ANAPC7: variants seen among roughly 807,000 people sequenced by gnomAD.
The protein encoded by ANAPC7 is anaphase-promoting complex subunit 7.
ANAPC7 carries 25 observed loss-of-function variants against 63.3 expected under a neutral mutation model. The ratio of observed to expected loss-of-function variants is 0.39; its 90% CI spans 0.29 to 0.55. The LOEUF (loss-of-function observed/expected upper bound fraction) is 0.55, where lower values mean the gene tolerates loss of function less well. ANAPC7 is among the 20% of genes least tolerant of loss of function. The pLI, the probability that ANAPC7 is intolerant of heterozygous loss-of-function variation, is 0.57. For missense variants in ANAPC7, 516 were observed against 691.7 expected, an observed-to-expected ratio of 0.75 and a Z score of 2.85; for synonymous variants, 241 against 251.7, an observed-to-expected ratio of 0.96 and a Z score of 0.40.
intron 3 of ANAPC7, among the ~76,000 whole-genome samples, chr12:110,392,092 C>CAAAAA (rs1283316509): frequency 2.7e-4 from 4 of 14,784 alleles, no homozygotes; most frequent in African/African-American, 6.4e-4. Context: ...CTCCACCTCA[C>CAAAAA]AAAAAAAAAA....
chr12:110,394,755 A>G (rs2137978548), intron 3 of ANAPC7, among the ~76,000 whole-genome samples: 1 of 144,870 alleles, frequency 6.9e-6, no homozygotes, highest in African/African-American at 2.6e-5. Context: ...CTGAGGTGGG[A>G]GGATTGCTTA....
At chr12:110,394,991 A>T in intron 3 of ANAPC7, 110 bp downstream of exon 3, 1 of 1,317,542 alleles carries the variant, frequency 7.6e-7, no homozygotes, top group Non-Finnish European at 1.0e-6. Flanking sequence ...AATGAGAATT[A>T]GAATCATGGG....
intron 8 of ANAPC7, chr12:110,378,032 C>A (rs1403330980): frequency 4.5e-6 from 1 of 222,484 alleles, no homozygotes. Context: ...CAGTTATTCT[C>A]CAGCTGCATT....
intron 3 of ANAPC7, 63 bp from the exon 4 acceptor site, chr12:110,388,686 T>C (rs1316977860): frequency 6.4e-6 from 8 of 1,243,444 alleles, no homozygotes; most frequent in Non-Finnish European, 2.3e-6. Context: ...TCTCTCACCA[T>C]GAAAAAGTCC....
At chr12:110,382,712 G>C (rs1882056598) in intron 7 of ANAPC7, 131 bp downstream of exon 7, 2 of 713,752 alleles carry the variant, frequency 2.8e-6, no homozygotes, top group Middle Eastern at 3.3e-4. Context: ...TGAGATTACA[G>C]GCATGAGCCA....
At chr12:110,377,654 A>C (rs1196716106) in intron 8 of ANAPC7, 37 bp from the exon 9 acceptor site, 1 of 1,612,650 alleles carries the variant, frequency 6.2e-7, no homozygotes, top group Non-Finnish European at 8.5e-7. Flanking sequence ...ATTCAATGCC[A>C]TTACCATTCC....
In ANAPC7 at chr12:110,389,093, AAAAAAAAAAG is replaced by A. The variant is rs1375151763; in HGVS notation, c.409-480_409-471del. ...TGAGACTCCATCTTAAAAAAAAAAA[AAAAAAAAAAG>A]AAAAGAAAAGAAATTACTACCCTTC... On this transcript the variant is annotated intron_variant, in intron 3 of 10. Transcript: ENST00000455511. Among the ~76,000 whole-genome samples, 1,170 of 149,474 alleles carry A rather than the reference AAAAAAAAAAG, an allele frequency of 7.8e-3. 20 individuals carry two copies. The highest frequency in any genetic ancestry group is 0.027 in the African/African-American group (1,118 of 40,780).
rs1880985420 is a variant in ANAPC7 at position 110,373,345 on chromosome 12, G to C, written c.*799C>G. 1.3e-5 allele frequency: 2 copies of C among 152,140 alleles called. No homozygotes were observed. Among genetic ancestry groups the C allele is most frequent in the Admixed American group, 6.6e-5 (1 of 15,264 alleles). 9.4% of individuals were successfully genotyped at this position (152,140 alleles called of 1,614,324 possible). On this transcript the variant is annotated 3_prime_UTR_variant, in exon 11 of 11. Transcript: ENST00000455511. ...GGTTCCTGAGCTTTCCAACCCTCCT[G>C]GCTCCCAACACCAGGGGAAGAAAGT...
At chr12:110,393,823 C>A (rs1592922672) in intron 3 of ANAPC7, among the ~76,000 whole-genome samples, 1 of 142,432 alleles carries the variant, frequency 7.0e-6, no homozygotes, top group African/African-American at 2.7e-5. Flanking sequence ...GCTGAGATTG[C>A]ACCATTGCAC....
chr12:110,374,667 G>A (rs768735830), intron 10 of ANAPC7, among the ~76,000 whole-genome samples: 2 of 152,084 alleles, frequency 1.3e-5, no homozygotes, highest in African/African-American at 2.4e-5. Flanking sequence ...ACATTACCAG[G>A]TAAATTCAAA....
chr12:110,382,499 T>TATAGAGAGAGAG (rs1555289595), intron 7 of ANAPC7, among the ~76,000 whole-genome samples: 1 of 136,518 alleles, frequency 7.3e-6, no homozygotes, highest in South Asian at 2.3e-4. Flanking sequence ...TATATATTTA[T>TATAGAGAGAGAG]AGAGACAGGG....
At chr12:110,402,875 G>A (rs1481542935) in intron 1 of ANAPC7, among the ~76,000 whole-genome samples, 1 of 151,802 alleles carries the variant, frequency 6.6e-6, no homozygotes, top group East Asian at 1.9e-4. Context: ...AGCTGGGACC[G>A]CAGGCACGCA....
In ANAPC7 at chr12:110,387,731, G is replaced by A. The variant is rs1882739835; in HGVS notation, c.674+8C>T. The A allele has an allele frequency of 6.3e-7, 1 of 1,598,478 alleles. No homozygotes were observed. The highest frequency in any genetic ancestry group is 8.6e-7 in the Non-Finnish European group (1 of 1,167,638). On this transcript the variant is annotated splice_region_variant and intron_variant, in intron 5 of 10. Coordinates refer to ENST00000455511, the MANE Select transcript of ANAPC7 (RefSeq NM_016238.3). Reference sequence around the variant, plus strand: ...TCAAGAACACTGAATTAACTTTGTGGCTCTCACCAGATGGTACTGATTGCT... The same window carrying A: ...TCAAGAACACTGAATTAACTTTGTGACTCTCACCAGATGGTACTGATTGCT...
chr12:110,377,636 G>A lies in ANAPC7; in HGVS notation c.1133-19C>T, dbSNP rs372348208. 4.7e-5 allele frequency: 76 copies of A among 1,614,018 alleles called. No homozygotes were observed. In the Middle Eastern group the frequency reaches 4.9e-4, roughly 11 times the overall value. On this transcript the variant is annotated intron_variant, in intron 8 of 10. Coordinates refer to ENST00000455511, the MANE Select transcript of ANAPC7 (RefSeq NM_016238.3). The stretch of plus-strand genomic sequence containing the variant: ...ATAAGACCTGAAAAAAGTAAAACAC[G>A]TGAAGACATTCAATGCCATTACCAT...
Position 110,382,883 on chromosome 12 carries a change from T to C in ANAPC7, c.895A>G (p.Asn299Asp). The change falls in exon 7 of 11, where the codon AAT (asparagine) becomes GAT (aspartate). Residue 299 changes from asparagine (N) to aspartate (D), a missense_variant. Coordinates refer to ENST00000455511, the MANE Select transcript of ANAPC7 (RefSeq NM_016238.3). ...GGTTCTGCATGCTGATCAGAGATAT[T>C]GAAAAGGCGGCATCCAAGGTTCTCA... is the stretch of plus-strand genomic sequence containing the variant. ...DVENLGCRLF[N>D]ISDQHAEPWV... The C allele has an allele frequency of 6.2e-7, 1 of 1,614,016 alleles. No homozygotes were observed. Among genetic ancestry groups the C allele is most frequent in the Non-Finnish European group, 8.5e-7 (1 of 1,179,918 alleles).
intron 6 of ANAPC7, among the ~76,000 whole-genome samples, chr12:110,385,525 T>A (rs1882374484): frequency 6.6e-6 from 1 of 152,200 alleles, no homozygotes; most frequent in Admixed American, 6.5e-5. Flanking sequence ...AGACTAGTAT[T>A]TCTAAAACAT....
At chr12:110,386,274 C>G in intron 6 of ANAPC7, 53 bp downstream of exon 6, 1 of 1,607,370 alleles carries the variant, frequency 6.2e-7, no homozygotes, top group Non-Finnish European at 8.5e-7. Flanking sequence ...TCCCTATTAT[C>G]TCTGATCCCC....
At chr12:110,395,346 G>T in intron 2 of ANAPC7, 126 bp from the exon 3 acceptor site, 1 of 904,820 alleles carries the variant, frequency 1.1e-6, no homozygotes, top group Non-Finnish European at 1.6e-6. Context: ...ACAGGGTCTC[G>T]CTCTGTTGCC....
chr12:110,396,328 G>T lies in ANAPC7; in HGVS notation c.226C>A (p.Leu76Ile). Residue 76 changes from leucine (L) to isoleucine (I), a missense_variant, in exon 2 of 11, where the codon CTA becomes ATA. Leu to Ile is a conservative substitution (Grantham distance 5, BLOSUM62 2). Transcript: ENST00000455511. ...GGTCTCACTTTTGAAGTTTTACTTA[G>T]CGCTTTCTTCTGCTGTAAAGCCATG... The part of the protein sequence containing the change: ...YTMALQQKKA[L>I]SKTSKVRPST... 1 of 1,613,778 alleles carries T rather than the reference G, an allele frequency of 6.2e-7. No individual in the cohort carries two copies. Among genetic ancestry groups the T allele is most frequent in the Non-Finnish European group, 8.5e-7 (1 of 1,179,950 alleles).
Sources: allele counts gnomAD v4.1 joint callset (sites outside exome capture counted in the v4.1 genomes callset), GRCh38; gene constraint gnomAD v4.1.1; transcripts MANE v1.5; gene names NCBI Gene and HGNC (gene_info 2026-07-23, HGNC 2026-07-21).